Variants in PDE3A observed in about 807,000 individuals in gnomAD.
The protein encoded by PDE3A is phosphodiesterase 3A, also known as cGMP-inhibited 3',5'-cyclic phosphodiesterase 3A.
Under a neutral mutation model 98.3 loss-of-function variants are expected in PDE3A, and 43 were observed. That is an observed-to-expected ratio of 0.44 (90% CI 0.34 to 0.56). The LOEUF is 0.56. Ranked by LOEUF, PDE3A falls within the 20% of genes least tolerant of loss-of-function variation. PDE3A has a pLI of 0.01. For synonymous variants in PDE3A, 663 were observed against 567.9 expected (o/e 1.17, Z -2.38); for missense variants, 1,427 against 1,440.7 (o/e 0.99, Z 0.15).
intron 1 of PDE3A, among the ~76,000 whole-genome samples, chr12:20,468,481 A>G (rs1476704801): frequency 6.6e-6 from 1 of 152,200 alleles, no homozygotes; most frequent in African/African-American, 2.4e-5. Context: ...CATGTCTGGC[A>G]TGGCATTAGA....
At position 20,562,308 on chromosome 12, in the gene PDE3A, C is replaced by T. The variant is rs528142099; in HGVS notation, c.1011+5598C>T. Among the ~76,000 whole-genome samples, 10 of 150,222 alleles carry T rather than the reference C, an allele frequency of 6.7e-5. No homozygotes were observed. In the East Asian group the frequency reaches 1.2e-3, roughly 18 times the overall value. On this transcript the variant is annotated intron_variant, in intron 2 of 15. Transcript: ENST00000359062. ...CGATCTCAGCTCACCGCAACCTCTG[C>T]CTCCCTGGTTCAGCGATTCTCCTGC...
intron 2 of PDE3A, among the ~76,000 whole-genome samples, chr12:20,607,430 C>G (rs1377128979): frequency 6.9e-6 from 1 of 145,748 alleles, no homozygotes; most frequent in Non-Finnish European, 1.5e-5. Context: ...GAGTGAGACT[C>G]CGTCTCAAAA....
chr12:20,604,887 T>C (rs1943674449), intron 2 of PDE3A, among the ~76,000 whole-genome samples: 1 of 152,158 alleles, frequency 6.6e-6, no homozygotes, highest in South Asian at 2.1e-4. Context: ...TCATATTTCA[T>C]TGTACATGCT....
chr12:20,553,991 T>A lies in PDE3A; in HGVS notation c.961-2669T>A, dbSNP rs528484050. 5.6e-3 allele frequency among the ~76,000 whole-genome samples: 844 copies of A among 151,814 alleles called. 10 individuals carry two copies. The highest frequency in any genetic ancestry group is 0.019 in the African/African-American group (782 of 41,458). On this transcript the variant is annotated intron_variant, in intron 1 of 15. Transcript: ENST00000359062. ...AGAACTTACAAGAGGGTTTTTTTTT[T>A]AATTTTTTTTTCTCTTAATGAACAC...
chr12:20,582,300 C>G (rs1943086265), intron 2 of PDE3A, among the ~76,000 whole-genome samples: 1 of 152,042 alleles, frequency 6.6e-6, no homozygotes, highest in Non-Finnish European at 1.5e-5. Flanking sequence ...TTCAAGTATT[C>G]TCCCACCTCA....
intron 1 of PDE3A, among the ~76,000 whole-genome samples, chr12:20,442,758 T>C (rs1261338197): frequency 6.6e-6 from 1 of 152,236 alleles, no homozygotes; most frequent in Non-Finnish European, 1.5e-5. Flanking sequence ...GGTGAGATTG[T>C]ATCTTTTAAA....
At chr12:20,381,447 G>T (rs888091789) in intron 1 of PDE3A, among the ~76,000 whole-genome samples, 1 of 151,762 alleles carries the variant, frequency 6.6e-6, no homozygotes, top group African/African-American at 2.4e-5. Context: ...TAATATTAGT[G>T]CATGTAAAAA....
chr12:20,483,089 A>C (rs1945660004), intron 1 of PDE3A, among the ~76,000 whole-genome samples: 1 of 152,006 alleles, frequency 6.6e-6, no homozygotes, highest in Non-Finnish European at 1.5e-5. Context: ...ATCAGTCTTC[A>C]TCTCAAAACT....
chr12:20,397,277 T>C (rs865834773), intron 1 of PDE3A, among the ~76,000 whole-genome samples: 44 of 152,072 alleles, frequency 2.9e-4, no homozygotes, highest in African/African-American at 1.0e-3. Context: ...TATGTCTCTA[T>C]ATATTCTAGT....
At chr12:20,589,801 G>T (rs1386046081) in intron 2 of PDE3A, among the ~76,000 whole-genome samples, 1 of 150,548 alleles carries the variant, frequency 6.6e-6, no homozygotes, top group Non-Finnish European at 1.5e-5. Flanking sequence ...CCCAGGAGGT[G>T]GAGCTTGCAG....
chr12:20,566,853 T>TA (rs1213495156), intron 2 of PDE3A, among the ~76,000 whole-genome samples: 54 of 151,968 alleles, frequency 3.6e-4, no homozygotes, highest in Non-Finnish European at 1.5e-5. Flanking sequence ...CGACAGGTCT[T>TA]AACTCCACTT....
intron 1 of PDE3A, among the ~76,000 whole-genome samples, chr12:20,421,806 T>C (rs1944516401): frequency 6.6e-6 from 1 of 152,112 alleles, no homozygotes; most frequent in Admixed American, 6.5e-5. Flanking sequence ...TTTGAAGTGC[T>C]AAAAACATAG....
chr12:20,444,257 G>T lies in PDE3A; in HGVS notation c.960+74013G>T, dbSNP rs186209535. ...CTGCTTTCTTTATCCCTGCTCTCTA[G>T]CTCCTGACCTGTCCATCACGAATAT... On this transcript the variant is annotated intron_variant, in intron 1 of 15. Transcript: ENST00000359062. Among the ~76,000 whole-genome samples, 206 of 152,132 alleles carry T rather than the reference G, an allele frequency of 1.4e-3. 3 individuals are homozygous for T. The highest frequency in any genetic ancestry group is 0.012 in the Admixed American group (179 of 15,260).
At chr12:20,496,061 G>A (rs1167314073) in intron 1 of PDE3A, among the ~76,000 whole-genome samples, 1 of 152,086 alleles carries the variant, frequency 6.6e-6, no homozygotes, top group Non-Finnish European at 1.5e-5. Context: ...CTTAATGTCA[G>A]TACAAATAAG....
intron 1 of PDE3A, among the ~76,000 whole-genome samples, chr12:20,403,316 C>G (rs2120671664): frequency 6.6e-6 from 1 of 152,300 alleles, no homozygotes; most frequent in Admixed American, 6.5e-5. Flanking sequence ...CTCTCCCTTA[C>G]AGTTAGCTGT....
chr12:20,626,680 T>A (rs1944270397), intron 5 of PDE3A, among the ~76,000 whole-genome samples: 1 of 152,030 alleles, frequency 6.6e-6, no homozygotes, highest in African/African-American at 2.4e-5. Flanking sequence ...GTATTTTTAG[T>A]AGAGATGGGG....
chr12:20,458,674 G>A (rs1490373564), intron 1 of PDE3A, among the ~76,000 whole-genome samples: 1 of 152,102 alleles, frequency 6.6e-6, no homozygotes, highest in South Asian at 2.1e-4. Context: ...AAGCCCCCCA[G>A]AGAAAGCCCC....
At chr12:20,668,060 C>T (rs1312742406) in intron 15 of PDE3A, among the ~76,000 whole-genome samples, 4 of 152,162 alleles carry the variant, frequency 2.6e-5, no homozygotes, top group Non-Finnish European at 4.4e-5. Context: ...CAGGGAGTTC[C>T]CTTTCCCAGT....
chr12:20,670,344 G>A (rs1273114763), intron 15 of PDE3A, among the ~76,000 whole-genome samples: 77 of 148,668 alleles, frequency 5.2e-4, no homozygotes, highest in African/African-American at 1.4e-3. Flanking sequence ...TGCACCAAGC[G>A]GACCTAATAG....
Sources: allele counts gnomAD v4.1 joint callset (sites outside exome capture counted in the v4.1 genomes callset), GRCh38; gene constraint gnomAD v4.1.1; transcripts MANE v1.5; gene names NCBI Gene and HGNC (gene_info 2026-07-23, HGNC 2026-07-21).